The following SFMBT1 variants were observed in gnomAD, a reference collection of about 807,000 sequenced individuals.
SFMBT1 encodes the protein Scm like with four mbt domains 1.
In SFMBT1, 32 loss-of-function variants were observed where a neutral mutation model predicts 108.7. That is an observed-to-expected ratio of 0.29 (90% CI 0.22 to 0.40). The LOEUF is 0.40. SFMBT1 is among the 10% of genes least tolerant of loss of function. The probability of loss-of-function intolerance (pLI) is 1.00; values close to 1 mark genes in which losing one functional copy is unlikely to be tolerated. For missense variants in SFMBT1, 816 were observed against 1,059.6 expected (o/e 0.77, Z 3.19); for synonymous variants, 348 against 369.5 (o/e 0.94, Z 0.67).
chr3:52,951,175 CA>C (rs773717441), intron 3 of SFMBT1, among the ~76,000 whole-genome samples: 169 of 97,326 alleles, frequency 1.7e-3, no homozygotes, highest in East Asian at 2.6e-3. Flanking sequence ...ATTCCTTCTC[CA>C]AAAAAAAAAA....
chr3:52,988,693 G>C (rs1229279629), intron 1 of SFMBT1, among the ~76,000 whole-genome samples: 1 of 152,192 alleles, frequency 6.6e-6, no homozygotes, highest in African/African-American at 2.4e-5. Context: ...TACTACTAGA[G>C]ATGTACTACG....
chr3:52,985,597 C>T (rs1039964345), intron 1 of SFMBT1, among the ~76,000 whole-genome samples: 4 of 152,210 alleles, frequency 2.6e-5, no homozygotes, highest in African/African-American at 9.7e-5. Context: ...AGTTCATACA[C>T]AGTCATGCAT....
chr3:53,044,221 C>T (rs1481897438), intron 1 of SFMBT1, among the ~76,000 whole-genome samples: 3 of 152,134 alleles, frequency 2.0e-5, no homozygotes, highest in Non-Finnish European at 2.9e-5. Flanking sequence ...TTATGTAGTA[C>T]CTCTCAAAAT....
At chr3:53,004,714 G>T (rs1250597610) in intron 1 of SFMBT1, among the ~76,000 whole-genome samples, 1 of 150,092 alleles carries the variant, frequency 6.7e-6, no homozygotes, top group Non-Finnish European at 1.5e-5. Context: ...GAGAAATGCA[G>T]GGTTCTCCAT....
Position 53,045,918 on chromosome 3 carries a change from A to C in SFMBT1, c.-233T>G, listed in dbSNP as rs548907735. The C allele has an allele frequency of 6.6e-6, 1 of 150,386 alleles. No individual in the cohort carries two copies. 9.3% of individuals were successfully genotyped at this position (150,386 alleles called of 1,614,324 possible). On this transcript the variant is annotated 5_prime_UTR_variant, in exon 1 of 21. Coordinates refer to ENST00000394752, the MANE Select transcript of SFMBT1 (RefSeq NM_016329.4). ...CCGTCTTTTCGCTCCCCCGCGCGGAAGCTTTTTCCTCCCGTGCTGCCCGCG... is the reference window on the plus strand; with the variant it reads ...CCGTCTTTTCGCTCCCCCGCGCGGACGCTTTTTCCTCCCGTGCTGCCCGCG...
chr3:52,907,958 T>C (rs1018114147), intron 17 of SFMBT1, among the ~76,000 whole-genome samples: 1 of 152,154 alleles, frequency 6.6e-6, no homozygotes, highest in Non-Finnish European at 1.5e-5. Context: ...AAAGCTCCCA[T>C]GGTCCCTTCC....
intron 1 of SFMBT1, among the ~76,000 whole-genome samples, chr3:52,982,528 A>G (rs1255992553): frequency 6.6e-6 from 1 of 152,102 alleles, no homozygotes; most frequent in African/African-American, 2.4e-5. Context: ...CAGGAGTTCC[A>G]GACAGGCCTG....
At chr3:52,926,010 T>C (rs1702646857) in intron 10 of SFMBT1, 21 bp downstream of exon 10, 4 of 1,600,886 alleles carry the variant, frequency 2.5e-6, no homozygotes, top group Non-Finnish European at 3.4e-6. Context: ...ATAGTGGCCA[T>C]GAGGCCGTGG....
intron 8 of SFMBT1, 91 bp from the exon 9 acceptor site, chr3:52,928,432 T>TACTC: frequency 1.5e-6 from 2 of 1,353,060 alleles, no homozygotes; most frequent in Non-Finnish European, 2.0e-6. Context: ...CAAAAGTTCA[T>TACTC]ACTCATGTGG....
chr3:52,928,949 C>T lies in SFMBT1; in HGVS notation c.898-608G>A, dbSNP rs1575380508. 3.3e-5 allele frequency among the ~76,000 whole-genome samples: 5 copies of T among 151,898 alleles called. No individual in the cohort carries two copies. The South Asian group carries it at 1.0e-3, about 32-fold the overall frequency. ...CAAACTCCTGGGCTCAAGCAATCCT[C>T]CTGCCTCAGCCTCCCAAAGTGCTGG... On this transcript the variant is annotated intron_variant, in intron 8 of 20. Transcript: ENST00000394752.
rs11310704 is a variant in SFMBT1 at position 52,954,858 on chromosome 3, TAA to T, written c.29-449_29-448del. On this transcript the variant is annotated intron_variant, in intron 2 of 20. Transcript: ENST00000394752. ...ACTCCTAGTAAATATTTTACCTTAA[TAA>T]AAAAAAAAAAGTGTCATTATCCTTG... is the stretch of plus-strand genomic sequence containing the variant. 2.2e-3 allele frequency among the ~76,000 whole-genome samples: 332 copies of T among 149,440 alleles called. 1 individual carries two copies. Among genetic ancestry groups the T allele is most frequent in the African/African-American group, 6.9e-3 (283 of 40,950 alleles).
At chr3:52,941,971 C>G (rs11718538) in intron 4 of SFMBT1, among the ~76,000 whole-genome samples, 13,775 of 152,078 alleles carry the variant, frequency 0.091, 636 homozygotes, top group African/African-American at 0.099. Flanking sequence ...AAGGCCCAGG[C>G]ATGATGCATG....
intron 8 of SFMBT1, chr3:52,928,637 C>CATATATATATACATAT (rs1559514050): frequency 1.5e-4 from 12 of 78,450 alleles, no homozygotes; most frequent in African/African-American, 5.6e-4. Context: ...CATATATATA[C>CATATATATATACATAT]ATATATATAT....
chr3:52,932,498 TAAAG>T (rs1702888295), intron 5 of SFMBT1, among the ~76,000 whole-genome samples, 190 bp from the exon 6 acceptor site: 1 of 152,238 alleles, frequency 6.6e-6, no homozygotes, highest in African/African-American at 2.4e-5. Context: ...ATGTTTATCT[TAAAG>T]AAAATCTACC....
chr3:53,008,691 C>T (rs369566313), intron 1 of SFMBT1, among the ~76,000 whole-genome samples: 1 of 149,858 alleles, frequency 6.7e-6, no homozygotes, highest in Non-Finnish European at 1.5e-5. Flanking sequence ...AGTGCAGTGG[C>T]GCGATCTAAG....
intron 4 of SFMBT1, among the ~76,000 whole-genome samples, chr3:52,935,198 T>C (rs958291220): frequency 6.6e-6 from 1 of 152,152 alleles, no homozygotes; most frequent in African/African-American, 2.4e-5. Context: ...ATGGAAACTT[T>C]CAAACATACA....
intron 18 of SFMBT1, 68 bp from the exon 19 acceptor site, chr3:52,907,382 A>G: frequency 3.2e-6 from 5 of 1,539,204 alleles, no homozygotes; most frequent in Non-Finnish European, 4.3e-6. Context: ...ATGATTAAAA[A>G]AAAATAATAA....
intron 1 of SFMBT1, among the ~76,000 whole-genome samples, chr3:52,978,001 G>T (rs961802520): frequency 7.1e-6 from 1 of 141,080 alleles, no homozygotes; most frequent in African/African-American, 2.6e-5. Context: ...TATGTGTCAG[G>T]CACAATAAAA....
intron 8 of SFMBT1, among the ~76,000 whole-genome samples, chr3:52,929,521 G>C (rs2106793270): frequency 6.6e-6 from 1 of 152,332 alleles, no homozygotes; most frequent in South Asian, 2.1e-4. Flanking sequence ...TGACAGGCGT[G>C]AGCCACCACA....
Sources: gnomAD v4.1 joint callset for allele counts (sites outside exome capture counted in the v4.1 genomes callset) on GRCh38, gnomAD v4.1.1 for gene constraint, MANE v1.5 for transcripts, NCBI Gene and HGNC (gene_info 2026-07-23, HGNC 2026-07-21) for gene names.